Variants in ZNF624 observed in about 807,000 individuals in gnomAD.
ZNF624 encodes the protein zinc finger protein 624.
Under a neutral mutation model 74.7 loss-of-function variants are expected in ZNF624, and 43 were observed. The ratio of observed to expected loss-of-function variants is 0.58; its 90% CI spans 0.45 to 0.74. ZNF624 has a LOEUF of 0.74. Among genes scored for constraint, ZNF624 ranks in the 30% least tolerant of loss-of-function variants. The probability of loss-of-function intolerance (pLI) is 0.00; values close to 1 mark genes in which losing one functional copy is unlikely to be tolerated. For synonymous variants in ZNF624, 331 were observed against 341.3 expected, an observed-to-expected ratio of 0.97 and a Z score of 0.33; for missense variants, 820 against 1,030.0, an observed-to-expected ratio of 0.80 and a Z score of 2.79.
At chr17:16,643,641 T>C (rs1909518538) in intron 3 of ZNF624, among the ~76,000 whole-genome samples, 1 of 152,172 alleles carries the variant, frequency 6.6e-6, no homozygotes, top group Non-Finnish European at 1.5e-5. Flanking sequence ...ACCACTGAAA[T>C]GTATACTTTA....
intron 3 of ZNF624, among the ~76,000 whole-genome samples, chr17:16,638,896 G>A (rs1235895871): frequency 1.3e-5 from 2 of 152,162 alleles, no homozygotes; most frequent in African/African-American, 4.8e-5. Context: ...ACAGGTTTAA[G>A]GGATGTAAAC....
chr17:16,648,352 C>CGT (rs1448776223), intron 2 of ZNF624, among the ~76,000 whole-genome samples: 1 of 130,490 alleles, frequency 7.7e-6, no homozygotes, highest in Non-Finnish European at 1.5e-5. Context: ...AATAAAACTA[C>CGT]ATAAAGATCA....
At chr17:16,634,324 T>G (rs144660857) in intron 4 of ZNF624, among the ~76,000 whole-genome samples, 194 of 152,324 alleles carry the variant, frequency 1.3e-3, no homozygotes, top group African/African-American at 4.5e-3. Flanking sequence ...AAACTGAGTT[T>G]AGAAAGAAAT....
intron 5 of ZNF624, among the ~76,000 whole-genome samples, chr17:16,629,318 C>T (rs561846856): frequency 4.7e-5 from 7 of 150,234 alleles, no homozygotes; most frequent in African/African-American, 1.5e-4. Flanking sequence ...CCACAACGCC[C>T]GGCTAATTTT....
rs1299808005 is a variant in ZNF624, at chr17:16,649,657, C to A, written c.87+1G>T. On this transcript the variant is annotated splice_donor_variant, in intron 2 of 5. Coordinates refer to ENST00000311331, the MANE Select transcript of ZNF624 (RefSeq NM_020787.4). LOFTEE classifies it high-confidence loss of function. ...GTCAAAAACAGGGAATCCCAACTTACCAGGCGTCCAACTGAGAAAAACACA... is the reference window on the plus strand; with the variant it reads ...GTCAAAAACAGGGAATCCCAACTTAACAGGCGTCCAACTGAGAAAAACACA... 3 of 1,613,714 alleles carry A rather than the reference C, an allele frequency of 1.9e-6. No homozygotes were observed. In the African/African-American group the frequency reaches 4.0e-5, roughly 22 times the overall value.
At chr17:16,642,730 C>T (rs550152585) in intron 3 of ZNF624, among the ~76,000 whole-genome samples, 13 of 152,142 alleles carry the variant, frequency 8.5e-5, no homozygotes, top group African/African-American at 3.1e-4. Context: ...CTCAAAAAGC[C>T]AACCGAAGAA....
chr17:16,650,492 GA>G (rs931736845), intron 1 of ZNF624, among the ~76,000 whole-genome samples: 7 of 151,328 alleles, frequency 4.6e-5, no homozygotes, highest in Admixed American at 6.6e-5. Context: ...TTTTTATATT[GA>G]AAAAAAAGTA....
At chr17:16,617,807 A>G (rs1322808305), downstream of ZNF624, 15 of 1,611,944 alleles carry the variant, frequency 9.3e-6, 1 homozygote, top group Non-Finnish European at 1.1e-5. Flanking sequence ...GGAGGCGGCC[A>G]TAGCCACTGA....
chr17:16,624,270 C>A lies in ZNF624; in HGVS notation c.616G>T (p.Glu206Ter), dbSNP rs775897578. The part of the protein sequence containing the change: ...TPTSQRGFRF[E>*]SILIPEPGIA... ...CCTGGTTCTGGAATAAGAATAGATT[C>A]AAATCTAAAGCCTCTTTGACTAGTG... Residue 206 changes from glutamate (E) to a stop codon, truncating the protein, a stop_gained, in exon 6 of 6, where the codon GAA becomes TAA. Transcript: ENST00000311331. LOFTEE classifies it high-confidence loss of function. 2 of 1,614,132 alleles carry A rather than the reference C, an allele frequency of 1.2e-6. No individual in the cohort carries two copies. The highest frequency in any genetic ancestry group is 1.1e-5 in the South Asian group (1 of 91,054).
At chr17:16,618,004 A>G (rs1185104799), downstream of ZNF624, 4 of 620,220 alleles carry the variant, frequency 6.4e-6, no homozygotes, top group Non-Finnish European at 1.2e-5. Context: ...GTGGCGGCCG[A>G]GTCCAGCCAC....
chr17:16,637,681 T>C (rs1336715789), intron 3 of ZNF624, among the ~76,000 whole-genome samples: 1 of 152,238 alleles, frequency 6.6e-6, no homozygotes, highest in Non-Finnish European at 1.5e-5. Flanking sequence ...AAGCTGAAAC[T>C]GGATCCCTTC....
chr17:16,631,638 A>C (rs1473718517), intron 5 of ZNF624: 1 of 152,230 alleles, frequency 6.6e-6, no homozygotes, highest in African/African-American at 2.4e-5. Flanking sequence ...CAGGAGGATC[A>C]CTTGAGCCCA....
rs1156999536 is a variant in ZNF624, at chr17:16,622,526, T to C, written c.2360A>G (p.Lys787Arg). 6.2e-7 allele frequency: 1 copy of C among 1,614,002 alleles called. No homozygotes were observed. The highest frequency in any genetic ancestry group is 1.3e-5 in the African/African-American group (1 of 75,060). Reference protein sequence around the residue: ...EKPYTCKECGKGCITLSQLTL... With the variant: ...EKPYTCKECGRGCITLSQLTL... ...TAGCTGTGATAGAGTAATACAACCC[T>C]TTCCACATTCCTTACAGGTGTAGGG... Residue 787 changes from lysine to arginine, a missense_variant, in exon 6 of 6, where the codon AAG becomes AGG. Lys to Arg is a conservative substitution (Grantham distance 26). Transcript: ENST00000311331.
rs767965230 is a variant in ZNF624 at position 16,634,649 on chromosome 17, G to C, written c.261C>G (p.Tyr87Ter). 2 of 1,613,312 alleles carry C rather than the reference G, an allele frequency of 1.2e-6. No individual in the cohort carries two copies. Among genetic ancestry groups the C allele is most frequent in the Non-Finnish European group, 1.7e-6 (2 of 1,179,602 alleles). Residue 87 changes from tyrosine (Y) to a stop codon, truncating the protein, a stop_gained, in exon 4 of 6, where the codon TAC (tyrosine) becomes TAG (stop). Transcript: ENST00000311331. LOFTEE classifies it high-confidence loss of function. ...NLHKDVMLEN[Y>*]RNLVSLGLAV... ...CCTTACCCAGGGAGACCAGATTCCT[G>C]TAATTCTCTAGCATCACATCCTTGT... is the stretch of plus-strand genomic sequence containing the variant.
At chr17:16,637,273 T>C (rs1207800120) in intron 3 of ZNF624, among the ~76,000 whole-genome samples, 1 of 152,074 alleles carries the variant, frequency 6.6e-6, no homozygotes, top group East Asian at 1.9e-4. Flanking sequence ...ACCAATATCG[T>C]GAAAATGGCC....
chr17:16,614,269 T>G, the ZNF624 span, among the ~76,000 whole-genome samples: 1 of 151,842 alleles, frequency 6.6e-6, no homozygotes, highest in South Asian at 2.1e-4. Context: ...GGTGGGTTTT[T>G]AAAAAAAATT....
At chr17:16,615,993 A>ATATATATG (rs1397015228), downstream of ZNF624, among the ~76,000 whole-genome samples, 1 of 127,188 alleles carries the variant, frequency 7.9e-6, no homozygotes, top group Non-Finnish European at 1.7e-5. Context: ...ATATATATAT[A>ATATATATG]TATATGAATG....
In ZNF624 at chr17:16,623,378, T is replaced by C. The variant is rs79618834; in HGVS notation, c.1508A>G (p.Asn503Ser). ...GCGGTTGAATGCTTTCCCACATTCATTACATTCATAGGGTTTTTCCCCAGT... is the reference window on the plus strand; with the variant it reads ...GCGGTTGAATGCTTTCCCACATTCACTACATTCATAGGGTTTTTCCCCAGT... ...THTGEKPYEC[N>S]ECGKAFNRIA... Residue 503 changes from asparagine (N) to serine (S), a missense_variant, in exon 6 of 6, where the codon AAT (asparagine) becomes AGT (serine). Asn to Ser is a conservative substitution (Grantham distance 46). Transcript: ENST00000311331. This position sits in a 1 kb window ranked among gnomAD's most constrained non-coding sequence, Gnocchi z 5.3. 4 of 1,613,906 alleles carry C rather than the reference T, an allele frequency of 2.5e-6. No individual in the cohort carries two copies. The highest frequency in any genetic ancestry group is 2.2e-5 in the East Asian group (1 of 44,868).
rs1597492886 is a variant in ZNF624 at position 16,629,913 on chromosome 17, TA to T, written c.376+3948del. On this transcript the variant is annotated intron_variant, in intron 5 of 5. Transcript: ENST00000311331. ...AATATATTAAAAGAATGTGAGACAT[TA>T]AAAATGTATGAAATTCAAATTTCAG... Among the ~76,000 whole-genome samples the T allele has an allele frequency of 3.3e-5, 5 of 152,122 alleles. No individual in the cohort carries two copies. The South Asian group carries it at 8.3e-4, about 25-fold the overall frequency.
Sources: allele counts gnomAD v4.1 joint callset (sites outside exome capture counted in the v4.1 genomes callset), GRCh38; gene constraint gnomAD v4.1.1; non-coding constraint Gnocchi (gnomAD v3.1); transcripts MANE v1.5; gene names NCBI Gene and HGNC (gene_info 2026-07-23, HGNC 2026-07-21).